PRH1: variants seen among roughly 807,000 people sequenced by gnomAD.
PRH1 encodes proline rich protein HaeIII subfamily 1.
In PRH1, 7 loss-of-function variants were observed where a neutral mutation model predicts 7.9. The ratio of observed to expected loss-of-function variants is 0.89; its 90% CI spans 0.50 to 1.67. PRH1 has a LOEUF of 1.67. PRH1 is among the 40% of genes most tolerant of loss of function. PRH1 has a pLI of 0.00. For synonymous variants in PRH1, 45 were observed against 80.8 expected, an observed-to-expected ratio of 0.56 and a Z score of 2.38; for missense variants, 109 against 223.6, an observed-to-expected ratio of 0.49 and a Z score of 3.27.
At chr12:10,976,377 A>C (rs896804822) in intron 1 of PRH1, among the ~76,000 whole-genome samples, 1 of 152,176 alleles carries the variant, frequency 6.6e-6, no homozygotes, top group Non-Finnish European at 1.5e-5. Context: ...AACTAATGAG[A>C]AAAAAGATAC....
At chr12:11,129,503 A>C (rs1946260078) in intron 1 of PRH1, among the ~76,000 whole-genome samples, 1 of 152,294 alleles carries the variant, frequency 6.6e-6, no homozygotes. Flanking sequence ...AAAACACCTG[A>C]AAGTTACAGG....
At chr12:10,979,730 G>T (rs1450876938) in intron 1 of PRH1, among the ~76,000 whole-genome samples, 2 of 152,212 alleles carry the variant, frequency 1.3e-5, no homozygotes, top group African/African-American at 4.8e-5. Context: ...AAGAAATGCA[G>T]AAATTTAGAT....
chr12:10,911,329 T>A (rs1048941975), intron 2 of PRH1, among the ~76,000 whole-genome samples: 19 of 152,166 alleles, frequency 1.2e-4, no homozygotes, highest in South Asian at 2.1e-4. Context: ...AGAGAATGGA[T>A]AACAGGCTTG....
intron 1 of PRH1, among the ~76,000 whole-genome samples, chr12:11,131,837 T>C (rs1406449206): frequency 1.3e-5 from 2 of 152,224 alleles, no homozygotes; most frequent in Non-Finnish European, 2.9e-5. Context: ...TTGTGATGAG[T>C]TTCCCTTTCA....
chr12:11,136,939 G>A (rs1377340894), intron 1 of PRH1, among the ~76,000 whole-genome samples: 2 of 152,172 alleles, frequency 1.3e-5, no homozygotes, highest in African/African-American at 4.8e-5. Context: ...TAGTATACCT[G>A]ACATGAAAAT....
upstream of PRH1, among the ~76,000 whole-genome samples, chr12:10,885,778 T>G (rs1270329393): frequency 2.0e-5 from 3 of 152,196 alleles, no homozygotes; most frequent in Non-Finnish European, 2.9e-5. Context: ...TAGTCTTTAT[T>G]TGAGGATAGC....
chr12:10,908,576 A>G, intron 2 of PRH1: 1 of 1,614,024 alleles, frequency 6.2e-7, no homozygotes. Context: ...AGAAACTAGC[A>G]TAGAATAAAA....
intron 2 of PRH1, among the ~76,000 whole-genome samples, chr12:10,925,539 T>G (rs1186635131): frequency 6.6e-6 from 1 of 152,210 alleles, no homozygotes; most frequent in African/African-American, 2.4e-5. Context: ...GGATCTACAT[T>G]GACTGGGTTT....
intron 2 of PRH1, among the ~76,000 whole-genome samples, chr12:10,952,982 G>C (rs1937760504): frequency 1.3e-5 from 2 of 152,156 alleles, no homozygotes; most frequent in Admixed American, 6.5e-5. Flanking sequence ...TGAGGTGCCA[G>C]AGAACAAAGT....
chr12:10,938,308 G>A, intron 2 of PRH1: 1 of 1,613,564 alleles, frequency 6.2e-7, no homozygotes, highest in Non-Finnish European at 8.5e-7. Flanking sequence ...CTTTGAACAT[G>A]TACCTCAGCC....
chr12:11,108,335 AATG>A (rs778704522), intron 1 of PRH1, among the ~76,000 whole-genome samples: 4 of 152,170 alleles, frequency 2.6e-5, no homozygotes, highest in Non-Finnish European at 5.9e-5. Flanking sequence ...AGAAAAACTA[AATG>A]ATGAAGTAAT....
chr12:10,977,619 T>C (rs999309710), intron 1 of PRH1, among the ~76,000 whole-genome samples: 4 of 152,148 alleles, frequency 2.6e-5, no homozygotes, highest in African/African-American at 9.7e-5. Context: ...AGTCAAACTA[T>C]CCCTGTTTGC....
intron 1 of PRH1, among the ~76,000 whole-genome samples, chr12:10,992,919 T>A (rs10845277): frequency 0.3 from 46,372 of 152,138 alleles, 8,933 homozygotes; most frequent in East Asian, 0.74. Context: ...GAGTCCTCGG[T>A]AATTCTCCTC....
rs1808868266 is a variant in PRH1 at position 11,092,926 on chromosome 12, G to A, written n.124-45738C>T. Among the ~76,000 whole-genome samples, 2 of 114,020 alleles carry A rather than the reference G, an allele frequency of 1.8e-5. 1 individual carries two copies. The highest frequency in any genetic ancestry group is 1.8e-4 in the Admixed American group (2 of 11,238). 74.8% of individuals were successfully genotyped at this position (114,020 alleles called of 152,430 possible). A position where few individuals can be genotyped will look rare whatever the true frequency, so the allele number is the denominator to read the frequency against. On this transcript the variant is annotated intron_variant and non_coding_transcript_variant, in intron 1 of 4. Coordinates refer to the PRH1 transcript ENST00000541977. ...CTGATGAGTTCAATGATCTCTTTAT[G>A]GAAAACATTCCTATTTTCAAACAAC...
At chr12:11,030,329 C>T (rs1393477549) in intron 1 of PRH1, 1 of 1,538,784 alleles carries the variant, frequency 6.5e-7, no homozygotes, top group South Asian at 1.3e-5. Context: ...ATAGAAAAAC[C>T]AGTAAGAAAT....
intron 2 of PRH1, among the ~76,000 whole-genome samples, chr12:10,927,948 C>T (rs1950146067): frequency 1.3e-5 from 2 of 151,976 alleles, no homozygotes; most frequent in South Asian, 4.2e-4. Flanking sequence ...AATCCAGGAC[C>T]CTGGAAGGAT....
intron 2 of PRH1, among the ~76,000 whole-genome samples, chr12:10,911,414 T>C (rs1352549846): frequency 1.3e-5 from 2 of 152,170 alleles, no homozygotes; most frequent in East Asian, 1.9e-4. Context: ...ATCAAAGAGA[T>C]GTAGTCTCTC....
chr12:10,992,465 G>A (rs1405494170), intron 1 of PRH1, among the ~76,000 whole-genome samples: 1 of 152,134 alleles, frequency 6.6e-6, no homozygotes, highest in African/African-American at 2.4e-5. Context: ...TGCAGCCCAG[G>A]CTGGAGTGAA....
intron 1 of PRH1, among the ~76,000 whole-genome samples, chr12:11,031,698 G>A (rs1942227485): frequency 6.6e-6 from 1 of 152,124 alleles, no homozygotes; most frequent in South Asian, 2.1e-4. Flanking sequence ...GTTGCTTGGT[G>A]TATTTTAGAG....
Sources: allele counts gnomAD v4.1 joint callset (sites outside exome capture counted in the v4.1 genomes callset), GRCh38; gene constraint gnomAD v4.1.1; transcripts MANE v1.5; gene names NCBI Gene and HGNC (gene_info 2026-07-23, HGNC 2026-07-21).